The following FRMD3 variants were observed in gnomAD, a reference collection of about 807,000 sequenced individuals.
The protein encoded by FRMD3 is FERM domain containing 3, also known as FERM domain-containing protein 3.
A neutral mutation model predicts 70.2 loss-of-function variants in FRMD3; 33 were observed. The observed-to-expected ratio is 0.47, with a 90% CI of 0.36 to 0.63. FRMD3 has a LOEUF of 0.63. Among genes scored for constraint, FRMD3 ranks in the 20% least tolerant of loss-of-function variants. FRMD3 has a pLI of 0.00. For missense variants in FRMD3, 632 were observed against 711.4 expected (o/e 0.89, Z 1.27); for synonymous variants, 279 against 255.9 (o/e 1.09, Z -0.86).
At chr9:83,486,956 T>C (rs968866954) in intron 1 of FRMD3, among the ~76,000 whole-genome samples, 1 of 152,210 alleles carries the variant, frequency 6.6e-6, no homozygotes, top group Non-Finnish European at 1.5e-5. Context: ...GGAATCAACA[T>C]GAAGCCATAA....
intron 1 of FRMD3, among the ~76,000 whole-genome samples, chr9:83,493,271 G>A (rs747598287): frequency 2.4e-4 from 37 of 152,286 alleles, no homozygotes; most frequent in Non-Finnish European, 4.4e-4. Flanking sequence ...GAGGTGGCTG[G>A]CCCCCTCCAC....
At chr9:83,568,943 GATAGATAGATAGATACATAC>G in the FRMD3 span, among the ~76,000 whole-genome samples, 4 of 124,636 alleles carry the variant, frequency 3.2e-5, no homozygotes, top group South Asian at 5.9e-4. Flanking sequence ...TAGATAGATA[GATAGATAGATAGATACATAC>G]ATACATACAT....
chr9:83,287,088 T>C (rs1834248761), intron 13 of FRMD3, among the ~76,000 whole-genome samples: 2 of 152,216 alleles, frequency 1.3e-5, no homozygotes, highest in Admixed American at 1.3e-4. Context: ...TTGTATGCAC[T>C]GCCTCCTCTC....
At chr9:83,349,778 G>C (rs771870089) in intron 3 of FRMD3, 21 bp from the exon 4 acceptor site, 2 of 1,584,034 alleles carry the variant, frequency 1.3e-6, no homozygotes, top group South Asian at 2.2e-5. Context: ...ATAAAGAAAA[G>C]GCATGAGAAA....
intron 3 of FRMD3, among the ~76,000 whole-genome samples, chr9:83,356,400 C>A (rs919940672): frequency 6.6e-6 from 1 of 151,254 alleles, no homozygotes; most frequent in Non-Finnish European, 1.5e-5. Flanking sequence ...TTCGGCCTCC[C>A]AAGTAGCTGG....
At chr9:83,492,253 A>G (rs1828843556) in intron 1 of FRMD3, among the ~76,000 whole-genome samples, 1 of 152,188 alleles carries the variant, frequency 6.6e-6, no homozygotes, top group African/African-American at 2.4e-5. Flanking sequence ...TTAAGATTAA[A>G]CTACACCACG....
chr9:83,470,874 CA>C (rs1389118714), intron 1 of FRMD3, among the ~76,000 whole-genome samples: 1 of 152,216 alleles, frequency 6.6e-6, no homozygotes, highest in Non-Finnish European at 1.5e-5. Context: ...TCTTCACATG[CA>C]ATAAAAGTGA....
At chr9:83,402,312 G>A (rs1390384234) in intron 1 of FRMD3, among the ~76,000 whole-genome samples, 2 of 148,976 alleles carry the variant, frequency 1.3e-5, no homozygotes, top group African/African-American at 5.0e-5. Context: ...GAACTCAACA[G>A]TCAAGGAAAA....
chr9:83,302,708 G>A (rs1834973094), intron 10 of FRMD3, among the ~76,000 whole-genome samples: 1 of 152,068 alleles, frequency 6.6e-6, no homozygotes, highest in African/African-American at 2.4e-5. Flanking sequence ...AGAAAACCAT[G>A]TTAAACACTC....
intron 1 of FRMD3, among the ~76,000 whole-genome samples, chr9:83,417,163 A>G (rs1308739974): frequency 6.6e-6 from 1 of 152,234 alleles, no homozygotes; most frequent in Admixed American, 6.5e-5. Context: ...TTTTGGTCCA[A>G]CAGCTTTCTT....
In FRMD3 at chr9:83,248,040, A is replaced by G. The variant is rs201959657; in HGVS notation, c.1672T>C (p.Phe558Leu). The G allele has an allele frequency of 2.1e-4, 333 of 1,614,062 alleles. No homozygotes were observed. The highest frequency in any genetic ancestry group is 2.7e-4 in the Non-Finnish European group (316 of 1,180,036). The change falls in exon 14 of 14, where the codon TTC (phenylalanine) becomes CTC (leucine). Residue 558 changes from phenylalanine (F) to leucine (L), a missense_variant. Physicochemically the swap from Phe to Leu is conservative, Grantham distance 22. This residue lies in a region of FRMD3 where 418 missense variants were observed against 442.1 expected (regional missense o/e 0.95). Transcript: ENST00000304195. ...LLLESGIDLS[F>L]LCEIRQTPEF... ...GGTGTCTGGCGGATTTCGCATAAGA[A>G]GGAGAGATCAATACCTGACTCCAAA... is the stretch of plus-strand genomic sequence containing the variant.
At chr9:83,357,255 ATATAT>A (rs1824411032) in intron 3 of FRMD3, among the ~76,000 whole-genome samples, 1 of 34,898 alleles carries the variant, frequency 2.9e-5, no homozygotes, top group Non-Finnish European at 4.6e-5. Context: ...ACATATATAT[ATATAT>A]ATATATATAT....
intron 1 of FRMD3, among the ~76,000 whole-genome samples, chr9:83,451,513 G>A (rs1827656760): frequency 6.6e-6 from 1 of 152,102 alleles, no homozygotes; most frequent in Non-Finnish European, 1.5e-5. Context: ...CACTGTTCAG[G>A]TGACACTGCC....
At chr9:83,325,216 C>T (rs1835964203) in intron 6 of FRMD3, among the ~76,000 whole-genome samples, 1 of 152,180 alleles carries the variant, frequency 6.6e-6, no homozygotes, top group Non-Finnish European at 1.5e-5. Context: ...GTACAATGTA[C>T]ACTATTCCAG....
At chr9:83,380,668 A>C (rs1825326556) in intron 2 of FRMD3, among the ~76,000 whole-genome samples, 1 of 152,208 alleles carries the variant, frequency 6.6e-6, no homozygotes, top group African/African-American at 2.4e-5. Context: ...AAAAAATTGC[A>C]TCTAAAAGTA....
At chr9:83,254,191 C>T (rs1410541906) in intron 13 of FRMD3, among the ~76,000 whole-genome samples, 3 of 151,862 alleles carry the variant, frequency 2.0e-5, no homozygotes, top group Non-Finnish European at 4.4e-5. Context: ...GTGCAGTACA[C>T]CAACATGGCA....
chr9:83,460,835 A>G (rs1177460744), intron 1 of FRMD3, among the ~76,000 whole-genome samples: 1 of 152,102 alleles, frequency 6.6e-6, no homozygotes, highest in African/African-American at 2.4e-5. Context: ...CAATTTTTAA[A>G]TGTTAGTAAC....
At chr9:83,408,857 A>T (rs1294847250) in intron 1 of FRMD3, among the ~76,000 whole-genome samples, 1 of 152,172 alleles carries the variant, frequency 6.6e-6, no homozygotes, top group Non-Finnish European at 1.5e-5. Flanking sequence ...ATTCAGGTGC[A>T]GGGAAGATGG....
intron 3 of FRMD3, among the ~76,000 whole-genome samples, chr9:83,357,260 TA>T (rs1397036251): frequency 1.3e-4 from 7 of 55,280 alleles, no homozygotes; most frequent in African/African-American, 7.0e-4. Flanking sequence ...TATATATATA[TA>T]TATATATATA....
Sources: allele counts gnomAD v4.1 joint callset (sites outside exome capture counted in the v4.1 genomes callset), GRCh38; gene constraint gnomAD v4.1.1; regional missense constraint gnomAD v4.1.1; transcripts MANE v1.5; gene names NCBI Gene and HGNC (gene_info 2026-07-23, HGNC 2026-07-21).